ROBO2: variants seen among roughly 807,000 people sequenced by gnomAD.
ROBO2 encodes roundabout homolog 2.
ROBO2 carries 53 observed loss-of-function variants against 160.8 expected under a neutral mutation model. That is an observed-to-expected ratio of 0.33 (90% CI 0.26 to 0.41). The LOEUF is 0.41. Among genes scored for constraint, ROBO2 ranks in the 10% least tolerant of loss-of-function variants. The pLI is 1.00. For missense variants in ROBO2, 1,577 were observed against 1,722.4 expected (o/e 0.92, Z 1.49); for synonymous variants, 664 against 611.7 (o/e 1.09, Z -1.26).
At chr3:77,036,623 T>C (rs917161479), upstream of ROBO2, among the ~76,000 whole-genome samples, 1 of 152,096 alleles carries the variant, frequency 6.6e-6, no homozygotes, top group Non-Finnish European at 1.5e-5. Flanking sequence ...TTAAAATATA[T>C]AGGCACATTT....
chr3:76,458,553 C>G (rs2077907936), intron 2 of ROBO2, among the ~76,000 whole-genome samples: 1 of 152,144 alleles, frequency 6.6e-6, no homozygotes, highest in Non-Finnish European at 1.5e-5. Context: ...TTACCCAGTT[C>G]CAAAGTTGCT....
intron 2 of ROBO2, among the ~76,000 whole-genome samples, chr3:76,748,025 A>G (rs1035485748): frequency 6.6e-6 from 1 of 151,076 alleles, no homozygotes; most frequent in African/African-American, 2.4e-5. Flanking sequence ...GAGTTAATGA[A>G]CATAGTAAGA....
At chr3:77,490,740 C>T (rs1208317008) in intron 4 of ROBO2, among the ~76,000 whole-genome samples, 11 of 152,210 alleles carry the variant, frequency 7.2e-5, no homozygotes. Flanking sequence ...ACCTGCCAGT[C>T]TGTTTCAATT....
At chr3:75,920,796 T>G (rs1330132245) in intron 1 of ROBO2, among the ~76,000 whole-genome samples, 5 of 152,114 alleles carry the variant, frequency 3.3e-5, no homozygotes, top group Admixed American at 2.6e-4. Flanking sequence ...CCTTTGTCCT[T>G]TTTTATCTTT....
chr3:75,930,683 C>T (rs1291289041), intron 1 of ROBO2, among the ~76,000 whole-genome samples: 4 of 152,180 alleles, frequency 2.6e-5, no homozygotes, highest in Non-Finnish European at 4.4e-5. Context: ...GTCCCGGTTT[C>T]CCACATGTCA....
intron 2 of ROBO2, among the ~76,000 whole-genome samples, chr3:76,066,430 T>G (rs568558460): frequency 6.6e-6 from 1 of 152,254 alleles, no homozygotes; most frequent in East Asian, 1.9e-4. Flanking sequence ...TTGTACAAAA[T>G]ATTAAATTAT....
chr3:76,126,032 T>G (rs2070971338), intron 2 of ROBO2, among the ~76,000 whole-genome samples: 1 of 151,938 alleles, frequency 6.6e-6, no homozygotes, highest in African/African-American at 2.4e-5. Context: ...TCACCATGTC[T>G]CTGACCTCTG....
intron 22 of ROBO2, among the ~76,000 whole-genome samples, chr3:77,621,152 A>G (rs2094891306): frequency 6.6e-6 from 1 of 152,170 alleles, no homozygotes; most frequent in Non-Finnish European, 1.5e-5. Flanking sequence ...TGGGCCAAGC[A>G]TGATAGCTCA....
At chr3:75,961,067 G>A (rs1348028827) in intron 2 of ROBO2, among the ~76,000 whole-genome samples, 3 of 151,480 alleles carry the variant, frequency 2.0e-5, no homozygotes, top group Admixed American at 6.6e-5. Flanking sequence ...AAGAACTGAA[G>A]GGATATAAAG....
chr3:77,464,949 A>G (rs1288718554), intron 2 of ROBO2, among the ~76,000 whole-genome samples: 1 of 152,220 alleles, frequency 6.6e-6, no homozygotes, highest in Non-Finnish European at 1.5e-5. Context: ...AAATTACTGA[A>G]TCTGTATATA....
intron 2 of ROBO2, among the ~76,000 whole-genome samples, chr3:76,011,331 G>C (rs2066187957): frequency 6.6e-6 from 1 of 152,128 alleles, no homozygotes; most frequent in African/African-American, 2.4e-5. Flanking sequence ...GGTGGACTGA[G>C]ACCCAAAATA....
chr3:76,091,076 G>A (rs2069212451), intron 2 of ROBO2, among the ~76,000 whole-genome samples: 1 of 152,116 alleles, frequency 6.6e-6, no homozygotes. Context: ...CATGATCTAT[G>A]AAGAAAATAA....
At chr3:76,754,508 T>C (rs1168697978) in intron 2 of ROBO2, among the ~76,000 whole-genome samples, 1 of 151,888 alleles carries the variant, frequency 6.6e-6, no homozygotes, top group Non-Finnish European at 1.5e-5. Flanking sequence ...CTGGAGAAGC[T>C]CCAAATAGTT....
At chr3:77,442,333 T>C (rs996474624) in intron 2 of ROBO2, among the ~76,000 whole-genome samples, 1 of 151,808 alleles carries the variant, frequency 6.6e-6, no homozygotes, top group Admixed American at 6.6e-5. Flanking sequence ...AAAAAAAAAT[T>C]ACATTCATGA....
At chr3:76,347,636 C>G (rs2074607946) in intron 2 of ROBO2, among the ~76,000 whole-genome samples, 1 of 151,812 alleles carries the variant, frequency 6.6e-6, no homozygotes, top group Admixed American at 6.6e-5. Context: ...TAGAGTTGTG[C>G]TTTTGAAACA....
chr3:76,380,604 C>G (rs1311439684), intron 2 of ROBO2, among the ~76,000 whole-genome samples: 1 of 152,052 alleles, frequency 6.6e-6, no homozygotes, highest in East Asian at 1.9e-4. Flanking sequence ...TGTACAAATA[C>G]AGTGTATAAT....
intron 2 of ROBO2, among the ~76,000 whole-genome samples, chr3:76,654,802 A>G (rs766386616): frequency 6.6e-6 from 1 of 151,632 alleles, no homozygotes; most frequent in Non-Finnish European, 1.5e-5. Context: ...AATGAAAATA[A>G]AGACACAAAT....
At chr3:75,953,695 A>G (rs1326578597) in intron 2 of ROBO2, among the ~76,000 whole-genome samples, 1 of 151,954 alleles carries the variant, frequency 6.6e-6, no homozygotes, top group East Asian at 1.9e-4. Flanking sequence ...CATAAAGTTT[A>G]GAAGCTCTCA....
intron 2 of ROBO2, among the ~76,000 whole-genome samples, chr3:76,116,204 G>A (rs1255966312): frequency 1.3e-5 from 2 of 152,092 alleles, no homozygotes; most frequent in African/African-American, 4.8e-5. Flanking sequence ...TGCCTCAAAA[G>A]AGTGTCCATG....
Sources: gnomAD v4.1 joint callset for allele counts (sites outside exome capture counted in the v4.1 genomes callset) on GRCh38, gnomAD v4.1.1 for gene constraint, MANE v1.5 for transcripts, NCBI Gene and HGNC (gene_info 2026-07-23, HGNC 2026-07-21) for gene names.